The following SNX18 variants were observed in gnomAD, a reference collection of about 807,000 sequenced individuals.
The protein encoded by SNX18 is sorting nexin 18.
Under a neutral mutation model 48.7 loss-of-function variants are expected in SNX18, and 35 were observed. That is an observed-to-expected ratio of 0.72 (90% CI 0.55 to 0.95). The LOEUF is 0.95. Ranked by LOEUF, SNX18 falls within the 40% of genes least tolerant of loss-of-function variation. SNX18 has a pLI of 0.00. For missense variants in SNX18, 824 were observed against 871.0 expected, an observed-to-expected ratio of 0.95 and a Z score of 0.68; for synonymous variants, 492 against 384.7, an observed-to-expected ratio of 1.28 and a Z score of -3.26.
At chr5:54,614,196 C>T in the SNX18 span, among the ~76,000 whole-genome samples, 1 of 152,100 alleles carries the variant, frequency 6.6e-6, no homozygotes, top group Admixed American at 6.5e-5. Context: ...TTCTCAAAGA[C>T]TTAGGGAGGA....
chr5:54,523,337 A>G (rs2548610), intron 1 of SNX18, among the ~76,000 whole-genome samples: 79,323 of 152,006 alleles, frequency 0.52, 20,932 homozygotes, highest in Non-Finnish European at 0.55. Context: ...AATCTCTAAT[A>G]TTTAATAAAG....
chr5:54,570,705 T>A, the SNX18 span, among the ~76,000 whole-genome samples: 8 of 152,272 alleles, frequency 5.3e-5, no homozygotes, highest in East Asian at 1.5e-3. Context: ...TATCAGAACA[T>A]ACAAAGACTG....
chr5:54,540,441 T>C (rs1762446367), intron 1 of SNX18, among the ~76,000 whole-genome samples: 1 of 152,094 alleles, frequency 6.6e-6, no homozygotes, highest in Non-Finnish European at 1.5e-5. Flanking sequence ...GGTCTCAAAC[T>C]CCTGACCTCA....
chr5:54,572,607 T>C, the SNX18 span, among the ~76,000 whole-genome samples: 2 of 151,692 alleles, frequency 1.3e-5, no homozygotes, highest in Non-Finnish European at 2.9e-5. Context: ...TGGCCTCATA[T>C]TTTATCTGAG....
chr5:54,645,911 A>G, the SNX18 span: 1 of 152,210 alleles, frequency 6.6e-6, no homozygotes. Context: ...GGTGTTTAGA[A>G]TAAGTCAATG....
At chr5:54,610,861 A>G in the SNX18 span, among the ~76,000 whole-genome samples, 2 of 152,216 alleles carry the variant, frequency 1.3e-5, no homozygotes, top group Non-Finnish European at 2.9e-5. Context: ...TAGTAGCCTG[A>G]CATTAGTCCT....
At chr5:54,615,911 G>A in the SNX18 span, among the ~76,000 whole-genome samples, 1 of 152,172 alleles carries the variant, frequency 6.6e-6, no homozygotes, top group East Asian at 1.9e-4. Flanking sequence ...AAGATAAGTA[G>A]ACTAGTTAAA....
downstream of SNX18, among the ~76,000 whole-genome samples, chr5:54,548,284 A>G (rs558628256): frequency 3.0e-4 from 45 of 152,370 alleles, no homozygotes; most frequent in Admixed American, 2.4e-3. Flanking sequence ...GAGCTTAAAA[A>G]CAAGGTGTGT....
the SNX18 span, among the ~76,000 whole-genome samples, chr5:54,560,258 A>C: frequency 6.6e-6 from 1 of 152,266 alleles, no homozygotes; most frequent in African/African-American, 2.4e-5. Flanking sequence ...TGGATAAAGA[A>C]AATGTTGTAC....
chr5:54,586,982 A>G, the SNX18 span, among the ~76,000 whole-genome samples: 1 of 107,030 alleles, frequency 9.3e-6, no homozygotes, highest in Non-Finnish European at 1.9e-5. Context: ...ATGGGAATTT[A>G]TTTCCTTTTT....
intron 1 of SNX18, among the ~76,000 whole-genome samples, chr5:54,529,744 C>T (rs1762220006): frequency 6.6e-6 from 1 of 152,098 alleles, no homozygotes; most frequent in Middle Eastern, 3.2e-3. Context: ...GGTTTGAGTT[C>T]CTGCCAGCTT....
the SNX18 span, chr5:54,644,661 G>A: frequency 6.6e-6 from 1 of 152,212 alleles, no homozygotes; most frequent in Non-Finnish European, 1.5e-5. Flanking sequence ...CCTTTAGAAG[G>A]GGCTGACCCA....
chr5:54,593,655 C>T, the SNX18 span, among the ~76,000 whole-genome samples: 2 of 152,210 alleles, frequency 1.3e-5, no homozygotes, highest in East Asian at 3.8e-4. Context: ...CTTAAAGCTA[C>T]AGTAATCCAC....
At chr5:54,542,758 G>A (rs1369049192) in intron 1 of SNX18, among the ~76,000 whole-genome samples, 1 of 152,126 alleles carries the variant, frequency 6.6e-6, no homozygotes, top group African/African-American at 2.4e-5. Context: ...GATCCTTTAT[G>A]GGATGTTTTT....
intron 1 of SNX18, among the ~76,000 whole-genome samples, chr5:54,534,193 G>T (rs1011632377): frequency 2.0e-5 from 3 of 151,260 alleles, no homozygotes; most frequent in African/African-American, 4.9e-5. Flanking sequence ...TAATGTTTTT[G>T]GCACATTCAT....
At chr5:54,641,149 A>T in the SNX18 span, among the ~76,000 whole-genome samples, 1 of 152,106 alleles carries the variant, frequency 6.6e-6, no homozygotes, top group African/African-American at 2.4e-5. Flanking sequence ...CTTGAGACTC[A>T]CCCAGGGGTT....
chr5:54,627,122 G>T, the SNX18 span, among the ~76,000 whole-genome samples: 123 of 152,238 alleles, frequency 8.1e-4, 1 homozygote, highest in African/African-American at 2.8e-3. Context: ...AAAGATTTAG[G>T]ATCCCCTTGA....
chr5:54,519,838 A>G, intron 1 of SNX18: 1 of 1,593,742 alleles, frequency 6.3e-7, no homozygotes, highest in South Asian at 1.1e-5. Context: ...CTATCATTTT[A>G]GAGTTTGAAT....
Position 54,518,012 on chromosome 5 carries a change from G to A in SNX18, c.60G>A (p.Ser20=), listed in dbSNP as rs1249853607. The A allele has an allele frequency of 1.3e-6, 2 of 1,547,152 alleles. No individual in the cohort carries two copies. The highest frequency in any genetic ancestry group is 1.7e-6 in the Non-Finnish European group (2 of 1,149,294). ...GGTCGGAGAACCCAGGAGAGATCTC[G>A]CTGCGAGAGCACGAGGTGCTGAGCC... is the stretch of plus-strand genomic sequence containing the variant. ...DFRSENPGEI[S]LREHEVLSLC... is the part of the protein sequence containing the mutation. Residue 20 remains serine, a synonymous_variant, in exon 1 of 2, where the codon TCG becomes TCA. Transcript: ENST00000381410.
Sources: allele counts gnomAD v4.1 joint callset (sites outside exome capture counted in the v4.1 genomes callset), GRCh38; gene constraint gnomAD v4.1.1; transcripts MANE v1.5; gene names NCBI Gene and HGNC (gene_info 2026-07-23, HGNC 2026-07-21).